TMEM135: variants seen among roughly 807,000 people sequenced by gnomAD.
The protein encoded by TMEM135 is peroxisomal membrane protein 52.
Under a neutral mutation model 60.3 loss-of-function variants are expected in TMEM135, and 30 were observed. The observed-to-expected ratio is 0.50, with a 90% CI of 0.37 to 0.68. TMEM135 has a LOEUF of 0.68. Ranked by LOEUF, TMEM135 falls within the 30% of genes least tolerant of loss-of-function variation. The pLI, the probability that TMEM135 is intolerant of heterozygous loss-of-function variation, is 0.00. For missense variants in TMEM135, 468 were observed against 548.8 expected (o/e 0.85, Z 1.47); for synonymous variants, 190 against 186.7 (o/e 1.02, Z -0.14).
At chr11:87,109,443 T>C (rs1390004731) in intron 4 of TMEM135, among the ~76,000 whole-genome samples, 1 of 152,236 alleles carries the variant, frequency 6.6e-6, no homozygotes, top group African/African-American at 2.4e-5. Context: ...GGTATCTCTG[T>C]GTCTCTGAGA....
intron 4 of TMEM135, among the ~76,000 whole-genome samples, chr11:87,139,465 A>G (rs769304296): frequency 1.3e-5 from 2 of 152,218 alleles, no homozygotes; most frequent in African/African-American, 2.4e-5. Context: ...CATGTCCTAG[A>G]TCCCAAGCAG....
intron 9 of TMEM135, among the ~76,000 whole-genome samples, chr11:87,307,100 T>A (rs1023910982): frequency 6.6e-6 from 1 of 152,064 alleles, no homozygotes; most frequent in Non-Finnish European, 1.5e-5. Context: ...TAGTCTCTAC[T>A]CAGTTGATGA....
chr11:87,044,715 A>G (rs910828333), intron 1 of TMEM135, among the ~76,000 whole-genome samples: 5 of 152,092 alleles, frequency 3.3e-5, no homozygotes, highest in Admixed American at 2.6e-4. Flanking sequence ...CAGTGGCACA[A>G]TCTCGGCTAA....
In TMEM135 at chr11:87,091,407, G is replaced by A. The variant is rs939255623; in HGVS notation, c.396+12G>A. 6 of 1,611,404 alleles carry A rather than the reference G, an allele frequency of 3.7e-6. No individual in the cohort carries two copies. Among genetic ancestry groups the A allele is most frequent in the Non-Finnish European group, 5.1e-6 (6 of 1,178,348 alleles). ...ATATGGCCAACTTGGTAAGTATTTT[G>A]TTTTAACCTTTGATGTCTTCCCATA... On this transcript the variant is annotated intron_variant, in intron 4 of 14. Transcript: ENST00000305494.
intron 4 of TMEM135, among the ~76,000 whole-genome samples, chr11:87,107,944 G>A (rs1857641079): frequency 6.6e-6 from 1 of 152,162 alleles, no homozygotes; most frequent in African/African-American, 2.4e-5. Context: ...AGTTTTGAAT[G>A]ATGGCCATTC....
At chr11:87,189,917 T>TAATG (rs549267768) in intron 5 of TMEM135, among the ~76,000 whole-genome samples, 42 of 151,898 alleles carry the variant, frequency 2.8e-4, no homozygotes, top group Admixed American at 1.4e-3. Context: ...TCCTGTCTCA[T>TAATG]AATGAATGAA....
At chr11:87,287,112 T>C (rs911157834) in intron 6 of TMEM135, among the ~76,000 whole-genome samples, 5 of 152,198 alleles carry the variant, frequency 3.3e-5, no homozygotes, top group African/African-American at 1.2e-4. Context: ...TGTAACACTT[T>C]ACTCCAATTG....
In TMEM135 at chr11:87,063,211, A is replaced by G. The variant is rs766328979; in HGVS notation, c.142-4483A>G. Reference sequence around the variant, plus strand: ...TTTTGGTAATCTGTCTTTTCACTTTATATATTTTGATTCATTTTCCTAGGG... The same window carrying G: ...TTTTGGTAATCTGTCTTTTCACTTTGTATATTTTGATTCATTTTCCTAGGG... On this transcript the variant is annotated intron_variant, in intron 1 of 14. Coordinates refer to ENST00000305494, the MANE Select transcript of TMEM135 (RefSeq NM_022918.4). 4.4e-4 allele frequency among the ~76,000 whole-genome samples: 67 copies of G among 152,306 alleles called. 1 individual carries two copies. Among genetic ancestry groups the G allele is most frequent in the Middle Eastern group, 3.4e-3 (1 of 292 alleles).
At chr11:87,277,268 AT>A in intron 6 of TMEM135, 1 of 390,120 alleles carries the variant, frequency 2.6e-6, no homozygotes, top group Non-Finnish European at 5.1e-6. Flanking sequence ...AGTAGCTGGG[AT>A]TACAGATTTG....
chr11:87,059,374 G>A lies in TMEM135; in HGVS notation c.142-8320G>A, dbSNP rs572948504. Among the ~76,000 whole-genome samples, 15 of 149,464 alleles carry A rather than the reference G, an allele frequency of 1.0e-4. No homozygotes were observed. In the East Asian group the frequency reaches 2.3e-3, roughly 23 times the overall value. The stretch of plus-strand genomic sequence containing the variant: ...GGCTGAAGTGCAATGGCGTGATCTC[G>A]GTTCACTGCAATCTCTGCCTCCCAG... On this transcript the variant is annotated intron_variant, in intron 1 of 14. Coordinates refer to ENST00000305494, the MANE Select transcript of TMEM135 (RefSeq NM_022918.4).
intron 3 of TMEM135, among the ~76,000 whole-genome samples, chr11:87,085,678 G>T (rs149521006): frequency 6.6e-6 from 1 of 152,118 alleles, no homozygotes; most frequent in Non-Finnish European, 1.5e-5. Context: ...GATGCCTTGT[G>T]CCTGGGAGGT....
At chr11:87,061,393 A>G (rs769418174) in intron 1 of TMEM135, among the ~76,000 whole-genome samples, 7 of 152,228 alleles carry the variant, frequency 4.6e-5, no homozygotes, top group Admixed American at 1.3e-4. Flanking sequence ...TGCACAACAG[A>G]TGATCTGGCC....
chr11:87,186,688 T>C (rs1201335108), intron 5 of TMEM135, among the ~76,000 whole-genome samples: 2 of 152,212 alleles, frequency 1.3e-5, no homozygotes, highest in East Asian at 1.9e-4. Flanking sequence ...TAACCTCGTA[T>C]ATATTTATTA....
chr11:87,276,144 C>A (rs1941962176), intron 6 of TMEM135, among the ~76,000 whole-genome samples: 1 of 152,136 alleles, frequency 6.6e-6, no homozygotes, highest in African/African-American at 2.4e-5. Flanking sequence ...AAAGACTGGA[C>A]ACTAACGCAC....
At chr11:87,121,259 C>G (rs1329694298) in intron 4 of TMEM135, 1 of 152,114 alleles carries the variant, frequency 6.6e-6, no homozygotes, top group Non-Finnish European at 1.5e-5. Flanking sequence ...TTTATTTATT[C>G]TTTATTCAAC....
chr11:87,263,744 AAATG>A (rs897270242), intron 6 of TMEM135, among the ~76,000 whole-genome samples: 1 of 152,116 alleles, frequency 6.6e-6, no homozygotes, highest in Non-Finnish European at 1.5e-5. Flanking sequence ...CTGGTGAAGA[AAATG>A]AACGTGAAAA....
intron 4 of TMEM135, among the ~76,000 whole-genome samples, chr11:87,109,868 A>G (rs558231674): frequency 6.6e-6 from 1 of 151,600 alleles, no homozygotes; most frequent in East Asian, 1.9e-4. Context: ...ATGTCAGTGT[A>G]TTGGTGGATT....
intron 5 of TMEM135, among the ~76,000 whole-genome samples, chr11:87,180,205 C>G (rs146975012): frequency 6.6e-6 from 1 of 151,994 alleles, no homozygotes; most frequent in Non-Finnish European, 1.5e-5. Context: ...GAGGCCGTTC[C>G]CCTGCAATGG....
intron 1 of TMEM135, among the ~76,000 whole-genome samples, chr11:87,047,685 T>C (rs1290307679): frequency 8.4e-6 from 1 of 119,598 alleles, no homozygotes; most frequent in Non-Finnish European, 1.7e-5. Flanking sequence ...ATCTCGCTGA[T>C]TGCTAGCACA....
Sources: gnomAD v4.1 joint callset for allele counts (sites outside exome capture counted in the v4.1 genomes callset) on GRCh38, gnomAD v4.1.1 for gene constraint, MANE v1.5 for transcripts, NCBI Gene and HGNC (gene_info 2026-07-23, HGNC 2026-07-21) for gene names.